ANKS1B: variants seen among roughly 807,000 people sequenced by gnomAD.
The protein encoded by ANKS1B is ankyrin repeat and sterile alpha motif domain containing 1B, also known as ankyrin repeat and sterile alpha motif domain-containing protein 1B.
In ANKS1B, 36 loss-of-function variants were observed where a neutral mutation model predicts 148.3. The observed-to-expected ratio is 0.24, with a 90% CI of 0.19 to 0.32. The LOEUF is 0.32. ANKS1B is among the 10% of genes least tolerant of loss of function. ANKS1B has a pLI of 1.00. For missense variants in ANKS1B, 1,157 were observed against 1,542.6 expected (o/e 0.75, Z 4.19); for synonymous variants, 542 against 560.8 (o/e 0.97, Z 0.47).
At chr12:99,550,097 T>G (rs971847872) in intron 9 of ANKS1B, among the ~76,000 whole-genome samples, 3 of 152,210 alleles carry the variant, frequency 2.0e-5, no homozygotes, top group Non-Finnish European at 4.4e-5. Context: ...TACCCTCGCC[T>G]TCCCTTCAAA....
chr12:98,814,135 C>T (rs2099120489), intron 19 of ANKS1B, among the ~76,000 whole-genome samples: 1 of 152,156 alleles, frequency 6.6e-6, no homozygotes, highest in South Asian at 2.1e-4. Flanking sequence ...CTGCCTCGGC[C>T]TCCCAAAGTG....
At chr12:99,209,594 C>T (rs2083090069) in intron 14 of ANKS1B, among the ~76,000 whole-genome samples, 1 of 152,120 alleles carries the variant, frequency 6.6e-6, no homozygotes. Flanking sequence ...GTGGGCCATA[C>T]AGAGAGTTCA....
chr12:98,968,639 C>G (rs2099880665), intron 17 of ANKS1B, among the ~76,000 whole-genome samples: 1 of 152,114 alleles, frequency 6.6e-6, no homozygotes. Flanking sequence ...CTTTCTCTCT[C>G]CTAAAGCTCC....
At chr12:99,722,420 G>T (rs2058175022) in intron 8 of ANKS1B, among the ~76,000 whole-genome samples, 1 of 152,296 alleles carries the variant, frequency 6.6e-6, no homozygotes, top group South Asian at 2.1e-4. Flanking sequence ...AAGCTTTTAA[G>T]AACGATGTTA....
intron 14 of ANKS1B, among the ~76,000 whole-genome samples, chr12:99,238,773 G>C (rs1021272115): frequency 1.3e-5 from 2 of 152,170 alleles, no homozygotes; most frequent in Non-Finnish European, 2.9e-5. Context: ...CAGGCAAACA[G>C]GGTCTGGAGT....
chr12:99,940,919 T>C (rs1249775119), intron 1 of ANKS1B, among the ~76,000 whole-genome samples: 15 of 152,084 alleles, frequency 9.9e-5, no homozygotes, highest in Non-Finnish European at 1.3e-4. Context: ...CAGACTATAG[T>C]AGCCTTCATT....
intron 14 of ANKS1B, among the ~76,000 whole-genome samples, chr12:99,176,736 G>C (rs2078435874): frequency 6.6e-6 from 1 of 151,924 alleles, no homozygotes; most frequent in African/African-American, 2.4e-5. Context: ...AAAGTGTCTG[G>C]CACCTCCTCC....
At chr12:99,523,588 C>G (rs547693050) in intron 9 of ANKS1B, among the ~76,000 whole-genome samples, 1 of 140,204 alleles carries the variant, frequency 7.1e-6, no homozygotes, top group East Asian at 2.1e-4. Context: ...GAGTCTCACT[C>G]TGTTGCCCAG....
intron 10 of ANKS1B, among the ~76,000 whole-genome samples, chr12:99,460,623 A>G (rs2095940158): frequency 6.6e-6 from 1 of 152,084 alleles, no homozygotes; most frequent in Non-Finnish European, 1.5e-5. Flanking sequence ...AGATATACAA[A>G]TGGCCAACAA....
At chr12:99,091,528 A>T (rs1415948211) in intron 15 of ANKS1B, among the ~76,000 whole-genome samples, 1 of 152,216 alleles carries the variant, frequency 6.6e-6, no homozygotes, top group African/African-American at 2.4e-5. Flanking sequence ...CTATGAGAGA[A>T]GGAGCCTATT....
intron 1 of ANKS1B, among the ~76,000 whole-genome samples, chr12:99,881,458 A>G (rs1232285605): frequency 1.3e-5 from 2 of 152,072 alleles, no homozygotes; most frequent in African/African-American, 4.8e-5. Context: ...TACCTCTTGA[A>G]CCTAAACATG....
At chr12:99,893,199 A>G (rs973419342) in intron 1 of ANKS1B, among the ~76,000 whole-genome samples, 1 of 152,116 alleles carries the variant, frequency 6.6e-6, no homozygotes, top group Non-Finnish European at 1.5e-5. Context: ...TCACAAGGTC[A>G]GGAGATCGAG....
intron 19 of ANKS1B, among the ~76,000 whole-genome samples, chr12:98,816,410 C>T (rs1246732672): frequency 1.3e-5 from 2 of 152,190 alleles, no homozygotes; most frequent in Non-Finnish European, 2.9e-5. Flanking sequence ...ATTCTTGTGC[C>T]TCAGCCTCCC....
intron 8 of ANKS1B, among the ~76,000 whole-genome samples, chr12:99,727,814 G>A (rs1182838294): frequency 4.0e-5 from 6 of 151,830 alleles, no homozygotes; most frequent in Non-Finnish European, 5.9e-5. Flanking sequence ...GGAACAGAAC[G>A]GAGAACTCAG....
chr12:98,878,590 G>A (rs961115125), intron 17 of ANKS1B, among the ~76,000 whole-genome samples: 1 of 152,110 alleles, frequency 6.6e-6, no homozygotes, highest in Non-Finnish European at 1.5e-5. Context: ...CCATAGATAG[G>A]TAATAAACGT....
chr12:99,054,100 T>C (rs2099968003), intron 16 of ANKS1B, among the ~76,000 whole-genome samples: 1 of 152,188 alleles, frequency 6.6e-6, no homozygotes, highest in African/African-American at 2.4e-5. Flanking sequence ...TATTTGAAAT[T>C]GTAGCTGAAT....
At chr12:98,945,106 A>G (rs1037940500) in intron 17 of ANKS1B, among the ~76,000 whole-genome samples, 1 of 152,208 alleles carries the variant, frequency 6.6e-6, no homozygotes, top group Non-Finnish European at 1.5e-5. Context: ...ATATTTATGT[A>G]GAAGGCAAAA....
chr12:99,976,297 T>G (rs1370625546), intron 1 of ANKS1B, among the ~76,000 whole-genome samples: 2 of 152,210 alleles, frequency 1.3e-5, no homozygotes, highest in Non-Finnish European at 2.9e-5. Context: ...ATGCAATATT[T>G]CCATGTAACT....
chr12:99,314,111 T>C (rs2083622413), intron 12 of ANKS1B, among the ~76,000 whole-genome samples: 1 of 152,144 alleles, frequency 6.6e-6, no homozygotes, highest in Non-Finnish European at 1.5e-5. Context: ...CAAGCATTCC[T>C]ATACACCAAC....
Sources: gnomAD v4.1 joint callset for allele counts (sites outside exome capture counted in the v4.1 genomes callset) on GRCh38, gnomAD v4.1.1 for gene constraint, MANE v1.5 for transcripts, NCBI Gene and HGNC (gene_info 2026-07-23, HGNC 2026-07-21) for gene names.